CDH4: variants seen among roughly 807,000 people sequenced by gnomAD.
CDH4 encodes the protein cadherin-4.
In CDH4, 33 loss-of-function variants were observed where a neutral mutation model predicts 86.0. That is an observed-to-expected ratio of 0.38 (90% CI 0.29 to 0.51). CDH4 has a LOEUF of 0.51. CDH4 is among the 20% of genes least tolerant of loss of function. CDH4 has a pLI of 0.86. For missense variants in CDH4, 1,114 were observed against 1,307.4 expected (o/e 0.85, Z 2.28); for synonymous variants, 555 against 549.4 (o/e 1.01, Z -0.14).
intron 2 of CDH4, among the ~76,000 whole-genome samples, chr20:61,698,421 C>T (rs1207038132): frequency 6.6e-6 from 1 of 152,248 alleles, no homozygotes; most frequent in Non-Finnish European, 1.5e-5. Flanking sequence ...GCAGCCCTGC[C>T]GTCCGGGTGC....
chr20:61,347,707 C>T (rs576439378), intron 2 of CDH4, among the ~76,000 whole-genome samples: 2 of 152,242 alleles, frequency 1.3e-5, no homozygotes, highest in South Asian at 2.1e-4. Context: ...AATAAGCTGG[C>T]GGGGGCTGGT....
intron 2 of CDH4, among the ~76,000 whole-genome samples, chr20:61,313,374 G>A (rs1222688703): frequency 6.6e-6 from 1 of 152,218 alleles, no homozygotes; most frequent in Non-Finnish European, 1.5e-5. Context: ...CACTCCCCGG[G>A]AAGCCTACAC....
chr20:61,292,430 A>G (rs1401915604), intron 2 of CDH4, among the ~76,000 whole-genome samples: 3 of 152,196 alleles, frequency 2.0e-5, no homozygotes, highest in Non-Finnish European at 1.5e-5. Flanking sequence ...TTTTTCTTCC[A>G]TTGCCATCCT....
intron 2 of CDH4, among the ~76,000 whole-genome samples, chr20:61,575,002 C>T (rs759106653): frequency 3.9e-5 from 6 of 152,316 alleles, no homozygotes; most frequent in Non-Finnish European, 5.9e-5. Flanking sequence ...AGAAACACCA[C>T]GCTGGGAAGG....
At chr20:61,550,557 C>T (rs766942297) in intron 2 of CDH4, among the ~76,000 whole-genome samples, 4 of 150,544 alleles carry the variant, frequency 2.7e-5, no homozygotes, top group African/African-American at 4.9e-5. Flanking sequence ...AGTATATCTG[C>T]GGGACCCTGC....
intron 2 of CDH4, among the ~76,000 whole-genome samples, chr20:61,609,900 G>A (rs1373533148): frequency 1.3e-5 from 2 of 152,134 alleles, no homozygotes; most frequent in Non-Finnish European, 1.5e-5. Context: ...TTGGGGATAT[G>A]TGATGTTTTG....
intron 2 of CDH4, among the ~76,000 whole-genome samples, chr20:61,409,578 G>A (rs905308625): frequency 6.6e-5 from 10 of 152,210 alleles, no homozygotes; most frequent in African/African-American, 2.2e-4. Context: ...CGCACTGTGT[G>A]CATTTCAGAA....
chr20:61,856,568 C>T (rs1379222217), intron 6 of CDH4, among the ~76,000 whole-genome samples: 9 of 146,684 alleles, frequency 6.1e-5, no homozygotes, highest in Non-Finnish European at 1.4e-4. Flanking sequence ...GTTCTGCGTG[C>T]ACCCCACATT....
At chr20:61,785,759 C>A (rs1469467469) in intron 4 of CDH4, among the ~76,000 whole-genome samples, 1 of 152,228 alleles carries the variant, frequency 6.6e-6, no homozygotes, top group Admixed American at 6.5e-5. Context: ...CAAGGAGCCA[C>A]CTGGAGAGAG....
intron 2 of CDH4, among the ~76,000 whole-genome samples, chr20:61,435,200 T>G (rs2085273849): frequency 6.6e-6 from 1 of 152,220 alleles, no homozygotes; most frequent in Non-Finnish European, 1.5e-5. Context: ...TAACAGGGAC[T>G]GACTGCGCCA....
At chr20:61,786,367 G>C (rs866362303) in intron 4 of CDH4, among the ~76,000 whole-genome samples, 1 of 152,068 alleles carries the variant, frequency 6.6e-6, no homozygotes, top group Admixed American at 6.6e-5. Flanking sequence ...CGAGTCGCCC[G>C]GCAGCCAGAC....
chr20:61,757,391 T>C (rs931723715), intron 3 of CDH4, among the ~76,000 whole-genome samples: 4 of 152,240 alleles, frequency 2.6e-5, no homozygotes, highest in Non-Finnish European at 5.9e-5. Flanking sequence ...GTCTTGCTTC[T>C]TTCAGGCCTG....
At chr20:61,656,673 A>G (rs984424258) in intron 2 of CDH4, among the ~76,000 whole-genome samples, 3 of 152,180 alleles carry the variant, frequency 2.0e-5, no homozygotes, top group African/African-American at 7.2e-5. Context: ...GTGTCTGACC[A>G]GGTCACCTGC....
At position 61,537,948 on chromosome 20, in the gene CDH4, G is replaced by A. The variant is rs186192615; in HGVS notation, c.170-205615G>A. Among the ~76,000 whole-genome samples, 485 of 152,330 alleles carry A rather than the reference G, an allele frequency of 3.2e-3. 2 individuals are homozygous for A. Among genetic ancestry groups the A allele is most frequent in the African/African-American group, 0.01 (428 of 41,590 alleles). ...GTCTGCATCCCTGGGAACTACCACC[G>A]GGTCATGGTGGGGTCAGGCCAACCC... On this transcript the variant is annotated intron_variant, in intron 2 of 15. Coordinates refer to ENST00000614565, the MANE Select transcript of CDH4 (RefSeq NM_001794.5).
chr20:61,764,939 G>A (rs2088681486), intron 3 of CDH4, among the ~76,000 whole-genome samples: 1 of 152,236 alleles, frequency 6.6e-6, no homozygotes, highest in Non-Finnish European at 1.5e-5. Context: ...AGTAGGATCA[G>A]CAGAATGCAT....
intron 2 of CDH4, among the ~76,000 whole-genome samples, chr20:61,647,093 C>T (rs2087068867): frequency 1.3e-5 from 2 of 152,300 alleles, no homozygotes; most frequent in African/African-American, 2.4e-5. Context: ...GTGACACCCA[C>T]CCAGCCTGTC....
chr20:61,423,152 G>A (rs1368330738), intron 2 of CDH4, among the ~76,000 whole-genome samples: 1 of 152,114 alleles, frequency 6.6e-6, no homozygotes, highest in Non-Finnish European at 1.5e-5. Context: ...AGCACAATGG[G>A]GGAAGCAAGG....
At chr20:61,736,751 G>A (rs2088270025) in intron 2 of CDH4, among the ~76,000 whole-genome samples, 1 of 152,154 alleles carries the variant, frequency 6.6e-6, no homozygotes, top group Non-Finnish European at 1.5e-5. Flanking sequence ...CTTCTTAGGG[G>A]AGCAGAATTG....
intron 3 of CDH4, among the ~76,000 whole-genome samples, chr20:61,758,749 A>G (rs112906796): frequency 1.3e-5 from 2 of 152,260 alleles, no homozygotes; most frequent in African/African-American, 4.8e-5. Context: ...TGGCCTCCTG[A>G]CGGGGGACGA....
Sources: allele counts gnomAD v4.1 joint callset (sites outside exome capture counted in the v4.1 genomes callset), GRCh38; gene constraint gnomAD v4.1.1; transcripts MANE v1.5; gene names NCBI Gene and HGNC (gene_info 2026-07-23, HGNC 2026-07-21).